The following SEM1 variants were observed in gnomAD, a reference collection of about 807,000 sequenced individuals.
SEM1 encodes 26S proteasome complex subunit SEM1.
SEM1 carries 3 observed loss-of-function variants against 12.7 expected under a neutral mutation model. That is an observed-to-expected ratio of 0.24 (90% CI 0.11 to 0.61). The LOEUF is 0.61. Ranked by LOEUF, SEM1 falls within the 20% of genes least tolerant of loss-of-function variation. The pLI is 0.88. For synonymous variants in SEM1, 30 were observed against 27.8 expected (o/e 1.08, Z -0.25); for missense variants, 59 against 81.3 (o/e 0.73, Z 1.06).
chr7:96,629,810 G>A (rs1464870256), intron 2 of SEM1, among the ~76,000 whole-genome samples: 1 of 152,164 alleles, frequency 6.6e-6, no homozygotes, highest in Non-Finnish European at 1.5e-5. Flanking sequence ...AGAAGGACTT[G>A]GGAGTTGTGA....
At chr7:96,693,505 T>C (rs7341440) in intron 2 of SEM1, among the ~76,000 whole-genome samples, 23,170 of 151,938 alleles carry the variant, frequency 0.15, 3,252 homozygotes, top group African/African-American at 0.37. Context: ...CTTCATTACA[T>C]TGAATTTGCC....
intron 2 of SEM1, among the ~76,000 whole-genome samples, chr7:96,554,540 T>C (rs997457761): frequency 6.7e-6 from 1 of 148,192 alleles, no homozygotes; most frequent in Middle Eastern, 3.5e-3. Context: ...ATCCCAGGGA[T>C]GAAGCCCACT....
intron 2 of SEM1, among the ~76,000 whole-genome samples, chr7:96,613,705 A>C (rs1584805832): frequency 6.6e-6 from 1 of 151,710 alleles, no homozygotes; most frequent in African/African-American, 2.4e-5. Context: ...TGCCTGTTCC[A>C]CTCCCACCCA....
rs1807614324 is a variant in SEM1, at chr7:96,613,675, G to C, written c.170+81123C>G. On this transcript the variant is annotated intron_variant and NMD_transcript_variant, in intron 2 of 3. Coordinates refer to the SEM1 transcript ENST00000466986. Reference sequence around the variant, plus strand: ...TCCAGCTGAAACTTTGTACCATTTAGCCAATGTCTCTCCTTTCTCTGCCTG... The same window carrying C: ...TCCAGCTGAAACTTTGTACCATTTACCCAATGTCTCTCCTTTCTCTGCCTG... 2.0e-5 allele frequency among the ~76,000 whole-genome samples: 3 copies of C among 152,236 alleles called. No homozygotes were observed. The South Asian group carries it at 6.2e-4, about 32-fold the overall frequency.
intron 2 of SEM1, among the ~76,000 whole-genome samples, chr7:96,553,358 AATTG>A (rs1212152066): frequency 2.0e-5 from 3 of 150,536 alleles, no homozygotes; most frequent in Non-Finnish European, 4.4e-5. Flanking sequence ...ATCCATCTTG[AATTG>A]ATTTTTGTAT....
chr7:96,498,797 T>C (rs1380953322), upstream of SEM1, among the ~76,000 whole-genome samples: 1 of 152,154 alleles, frequency 6.6e-6, no homozygotes, highest in African/African-American at 2.4e-5. Context: ...ACCTGACTTG[T>C]CCAAGTAACC....
At chr7:96,576,609 T>C (rs537581295) in intron 2 of SEM1, among the ~76,000 whole-genome samples, 11 of 152,326 alleles carry the variant, frequency 7.2e-5, no homozygotes, top group African/African-American at 2.6e-4. Flanking sequence ...TCTTGCCTTC[T>C]ACTATGAACA....
chr7:96,704,891 T>C (rs3942589), intron 1 of SEM1, among the ~76,000 whole-genome samples: 13,548 of 152,234 alleles, frequency 0.089, 806 homozygotes, highest in African/African-American at 0.15. Context: ...TATTTCTCAA[T>C]AGCATTTTTC....
At chr7:96,579,329 T>G (rs563142835) in intron 2 of SEM1, among the ~76,000 whole-genome samples, 1 of 152,354 alleles carries the variant, frequency 6.6e-6, no homozygotes, top group African/African-American at 2.4e-5. Flanking sequence ...TGTCACCACT[T>G]ACTGCTGTAA....
At chr7:96,666,481 G>C (rs1022651381) in intron 2 of SEM1, among the ~76,000 whole-genome samples, 1 of 151,988 alleles carries the variant, frequency 6.6e-6, no homozygotes, top group East Asian at 1.9e-4. Flanking sequence ...TAAAGAGATA[G>C]TATAACATCC....
rs1467393364 is a variant in SEM1, at chr7:96,517,608, T to C, written c.171-10910A>G. Reference sequence around the variant, plus strand: ...TTCTGGACATTTGAAGTTCTTATTTTGAGAATTGCCTATTTACATACTTTG... The same window carrying C: ...TTCTGGACATTTGAAGTTCTTATTTCGAGAATTGCCTATTTACATACTTTG... On this transcript the variant is annotated intron_variant and NMD_transcript_variant, in intron 2 of 3. Transcript: ENST00000466986. Among the ~76,000 whole-genome samples the C allele has an allele frequency of 2.0e-5, 3 of 152,244 alleles. No individual in the cohort carries two copies. In the East Asian group the frequency reaches 5.8e-4, roughly 29 times the overall value.
chr7:96,584,364 A>C (rs955716518), intron 2 of SEM1, among the ~76,000 whole-genome samples: 3 of 152,042 alleles, frequency 2.0e-5, no homozygotes, highest in African/African-American at 7.2e-5. Flanking sequence ...CTTCCCTTTG[A>C]GGGTAACCCG....
At chr7:96,643,369 CT>C (rs1220507246) in intron 2 of SEM1, among the ~76,000 whole-genome samples, 3 of 151,854 alleles carry the variant, frequency 2.0e-5, no homozygotes, top group Non-Finnish European at 4.4e-5. Flanking sequence ...TTTTATTATA[CT>C]TTAAGTTCTG....
chr7:96,705,819 C>CAA (rs1218812594), intron 1 of SEM1, among the ~76,000 whole-genome samples: 3 of 96,434 alleles, frequency 3.1e-5, no homozygotes, highest in Non-Finnish European at 4.3e-5. Context: ...GACTCTGTCT[C>CAA]AAAAAAAAAA....
chr7:96,620,227 G>C (rs1431888289), downstream of SEM1, among the ~76,000 whole-genome samples: 3 of 152,004 alleles, frequency 2.0e-5, no homozygotes, highest in Non-Finnish European at 4.4e-5. Context: ...AGCAGTGTAG[G>C]CAAGATACCA....
At chr7:96,641,763 C>A (rs1808616345) in intron 2 of SEM1, among the ~76,000 whole-genome samples, 1 of 151,810 alleles carries the variant, frequency 6.6e-6, no homozygotes, top group Admixed American at 6.6e-5. Flanking sequence ...TTACACATTT[C>A]CTATTTTCAG....
chr7:96,593,694 A>C (rs1434773723), intron 2 of SEM1, among the ~76,000 whole-genome samples: 2 of 152,254 alleles, frequency 1.3e-5, no homozygotes, highest in Non-Finnish European at 1.5e-5. Flanking sequence ...AAAGAAATCC[A>C]ATATCAAAGT....
intron 2 of SEM1, among the ~76,000 whole-genome samples, chr7:96,559,352 G>T (rs755124367): frequency 5.3e-5 from 8 of 152,032 alleles, no homozygotes; most frequent in Non-Finnish European, 1.0e-4. Context: ...GCACAATCTC[G>T]GCTATTCCAA....
downstream of SEM1, chr7:96,621,937 T>A (rs1807905374): frequency 6.6e-6 from 1 of 152,256 alleles, no homozygotes; most frequent in Non-Finnish European, 1.5e-5. Flanking sequence ...AAGTTCTGCA[T>A]AGAGCCAGCA....
Sources: allele counts gnomAD v4.1 joint callset (sites outside exome capture counted in the v4.1 genomes callset), GRCh38; gene constraint gnomAD v4.1.1; transcripts MANE v1.5; gene names NCBI Gene and HGNC (gene_info 2026-07-23, HGNC 2026-07-21).